ADAMTS16: variants seen among roughly 807,000 people sequenced by gnomAD.
ADAMTS16 encodes ADAM metallopeptidase with thrombospondin type 1 motif 16, also known as A disintegrin and metalloproteinase with thrombospondin motifs 16.
Under a neutral mutation model 145.8 loss-of-function variants are expected in ADAMTS16, and 94 were observed. That is an observed-to-expected ratio of 0.64 (90% confidence interval 0.55 to 0.77). The LOEUF is 0.77. ADAMTS16 is among the 30% of genes least tolerant of loss of function. ADAMTS16 has a pLI of 0.00. For synonymous variants in ADAMTS16, 659 were observed against 604.3 expected (o/e 1.09, Z -1.33); for missense variants, 1,585 against 1,591.5 (o/e 1.00, Z 0.07).
chr5:5,234,132 C>G (rs1259323613), intron 12 of ADAMTS16, among the ~76,000 whole-genome samples: 1 of 152,198 alleles, frequency 6.6e-6, no homozygotes, highest in African/African-American at 2.4e-5. Flanking sequence ...CATGAGCTCA[C>G]CTCACCCCCT....
chr5:5,231,974 A>ACT (rs1736939315), intron 11 of ADAMTS16, among the ~76,000 whole-genome samples: 1 of 151,874 alleles, frequency 6.6e-6, no homozygotes, highest in Admixed American at 6.6e-5. Context: ...CCTACCTGAG[A>ACT]CTCTCTCTGT....
intron 3 of ADAMTS16, among the ~76,000 whole-genome samples, chr5:5,155,132 G>A (rs1734569419): frequency 6.6e-6 from 1 of 152,190 alleles, no homozygotes; most frequent in South Asian, 2.1e-4. Flanking sequence ...GATTGTATCT[G>A]CTTAACATGG....
intron 21 of ADAMTS16, among the ~76,000 whole-genome samples, chr5:5,309,651 G>A (rs1740335544): frequency 6.6e-6 from 1 of 152,166 alleles, no homozygotes; most frequent in Admixed American, 6.5e-5. Flanking sequence ...TCTGTTGAGA[G>A]ACCTGGTTTT....
At chr5:5,232,317 A>G (rs1272101364) in intron 11 of ADAMTS16, 51 bp from the exon 12 acceptor site, 4 of 1,610,842 alleles carry the variant, frequency 2.5e-6, no homozygotes, top group Non-Finnish European at 3.4e-6. Flanking sequence ...AGATGAACCC[A>G]TCTATCCATC....
chr5:5,226,685 G>A (rs1024045332), intron 11 of ADAMTS16, among the ~76,000 whole-genome samples: 14 of 152,116 alleles, frequency 9.2e-5, no homozygotes, highest in African/African-American at 3.4e-4. Flanking sequence ...ATGGCACCTC[G>A]TCTCCTCTCT....
At chr5:5,278,791 C>A (rs770498104) in intron 18 of ADAMTS16, among the ~76,000 whole-genome samples, 1 of 151,894 alleles carries the variant, frequency 6.6e-6, no homozygotes, top group East Asian at 1.9e-4. Context: ...ATGTTTATTT[C>A]TCTTTTTGTT....
At chr5:5,267,385 A>G (rs998455100) in intron 18 of ADAMTS16, among the ~76,000 whole-genome samples, 2 of 152,084 alleles carry the variant, frequency 1.3e-5, no homozygotes, top group Non-Finnish European at 2.9e-5. Flanking sequence ...TGGATCACAC[A>G]TGGGCTTGGA....
chr5:5,233,618 T>C (rs1298397199), intron 12 of ADAMTS16, among the ~76,000 whole-genome samples: 1 of 152,200 alleles, frequency 6.6e-6, no homozygotes, highest in African/African-American at 2.4e-5. Flanking sequence ...TGCGTTAGCT[T>C]ATTAAGGATA....
chr5:5,153,565 A>C (rs909485393), intron 3 of ADAMTS16, among the ~76,000 whole-genome samples: 3 of 152,180 alleles, frequency 2.0e-5, no homozygotes, highest in Non-Finnish European at 4.4e-5. Flanking sequence ...TTTCTTTTGA[A>C]GTGTATAGTT....
At chr5:5,280,495 G>C (rs1738861659) in intron 18 of ADAMTS16, among the ~76,000 whole-genome samples, 1 of 152,178 alleles carries the variant, frequency 6.6e-6, no homozygotes, top group South Asian at 2.1e-4. Flanking sequence ...TGTGTGCCTA[G>C]TACTCTGAAG....
intron 17 of ADAMTS16, among the ~76,000 whole-genome samples, chr5:5,250,707 CTCTGTGTG>C (rs1436208726): frequency 1.3e-4 from 19 of 148,662 alleles, no homozygotes; most frequent in Non-Finnish European, 2.4e-4. Flanking sequence ...TGTCTCTTCT[CTCTGTGTG>C]TGTGTGTGTG....
chr5:5,251,576 C>T (rs1737624131), intron 17 of ADAMTS16, among the ~76,000 whole-genome samples: 1 of 152,178 alleles, frequency 6.6e-6, no homozygotes, highest in South Asian at 2.1e-4. Context: ...GTGCATGTGA[C>T]ACACACACAG....
rs546888690 is a variant in ADAMTS16 at position 5,303,424 on chromosome 5, C to A, written c.2946C>A (p.Asn982Lys). 1.2e-6 allele frequency: 2 copies of A among 1,610,586 alleles called. No homozygotes were observed. The highest frequency in any genetic ancestry group is 2.7e-5 in the African/African-American group (2 of 75,026). ...CTCCCTCCAGCAGGCAGGCCTGCAA[C>A]TCTCAGAGCTGCCCACCTGCATGGA... ...QPAPSSRQAC[N>K]SQSCPPAWSA... The change falls in exon 19 of 23, where the codon AAC (asparagine) becomes AAA (lysine). Residue 982 changes from asparagine (N) to lysine (K), a missense_variant. By Grantham distance (94) the Asn-to-Lys change is moderately conservative. This residue lies in a region of ADAMTS16 where 834 missense variants were observed against 811.7 expected (regional missense o/e 1.03). Transcript: ENST00000274181.
At chr5:5,221,039 T>C (rs1485591310) in intron 10 of ADAMTS16, among the ~76,000 whole-genome samples, 1 of 152,098 alleles carries the variant, frequency 6.6e-6, no homozygotes. Flanking sequence ...CAGGGGCTGC[T>C]CAATCTCTCT....
At chr5:5,146,587 A>G (rs1188028177) in intron 3 of ADAMTS16, 132 bp downstream of exon 3, 18 of 1,032,698 alleles carry the variant, frequency 1.7e-5, no homozygotes, top group Non-Finnish European at 2.3e-5. Flanking sequence ...CAGGAGGAAT[A>G]TTGCCAAGTA....
At chr5:5,257,487 G>A (rs1216425166) in intron 17 of ADAMTS16, among the ~76,000 whole-genome samples, 2 of 152,130 alleles carry the variant, frequency 1.3e-5, no homozygotes, top group African/African-American at 4.8e-5. Flanking sequence ...TGCAAACTGG[G>A]ATGTAATGCA....
Position 5,203,001 on chromosome 5 carries a change from TCTA to T in ADAMTS16, c.1451+2733_1451+2735del, listed in dbSNP as rs1272099641. ...TACTGGAATTAAAAGCCATTTTCTT[TCTA>T]TGATACTGGAACACCTGAACTATAA... is the stretch of plus-strand genomic sequence containing the variant. On this transcript the variant is annotated intron_variant, in intron 9 of 22. Transcript: ENST00000274181. 3.9e-5 allele frequency among the ~76,000 whole-genome samples: 6 copies of T among 152,330 alleles called. No homozygotes were observed. The East Asian group carries it at 1.2e-3, about 29-fold the overall frequency.
At chr5:5,162,417 A>C (rs1391869491) in intron 3 of ADAMTS16, among the ~76,000 whole-genome samples, 1 of 152,170 alleles carries the variant, frequency 6.6e-6, no homozygotes, top group Non-Finnish European at 1.5e-5. Flanking sequence ...ATCTCAGTGT[A>C]AAGGCTGAGC....
At chr5:5,300,451 AG>A (rs1450291531) in intron 18 of ADAMTS16, among the ~76,000 whole-genome samples, 2 of 152,236 alleles carry the variant, frequency 1.3e-5, no homozygotes, top group Non-Finnish European at 2.9e-5. Flanking sequence ...CAATCCATAT[AG>A]GGCAACTCCT....
Sources: gnomAD v4.1 joint callset for allele counts (sites outside exome capture counted in the v4.1 genomes callset) on GRCh38, gnomAD v4.1.1 for gene constraint, gnomAD v4.1.1 regional missense constraint, MANE v1.5 for transcripts, NCBI Gene and HGNC (gene_info 2026-07-23, HGNC 2026-07-21) for gene names.